Variants in CCSER1 observed in about 807,000 individuals in gnomAD.
CCSER1 encodes coiled-coil serine rich protein 1.
Under a neutral mutation model 82.0 loss-of-function variants are expected in CCSER1, and 41 were observed. The observed-to-expected ratio is 0.50, with a 90% CI of 0.39 to 0.65. CCSER1 has a LOEUF of 0.65. Among genes scored for constraint, CCSER1 ranks in the 30% least tolerant of loss-of-function variants. The pLI is 0.00. For synonymous variants in CCSER1, 414 were observed against 383.9 expected (o/e 1.08, Z -0.92); for missense variants, 1,119 against 1,064.2 (o/e 1.05, Z -0.72).
At chr4:90,745,267 G>T (rs1332452779) in intron 7 of CCSER1, among the ~76,000 whole-genome samples, 4 of 152,124 alleles carry the variant, frequency 2.6e-5, no homozygotes, top group East Asian at 1.9e-4. Flanking sequence ...CCTATCTCAA[G>T]TCTTCCTCAT....
At chr4:90,385,010 T>G (rs1455605291) in intron 3 of CCSER1, among the ~76,000 whole-genome samples, 4 of 152,174 alleles carry the variant, frequency 2.6e-5, no homozygotes, top group Admixed American at 1.3e-4. Context: ...CTGAGTTACT[T>G]CACAAGATAG....
At chr4:91,178,091 G>A (rs1733595832) in intron 10 of CCSER1, among the ~76,000 whole-genome samples, 1 of 152,176 alleles carries the variant, frequency 6.6e-6, no homozygotes, top group South Asian at 2.1e-4. Context: ...TCAGGAGCAG[G>A]TTGTTCAGTT....
intron 8 of CCSER1, among the ~76,000 whole-genome samples, chr4:90,843,007 G>A (rs1284081352): frequency 1.3e-5 from 2 of 152,164 alleles, no homozygotes; most frequent in Non-Finnish European, 2.9e-5. Flanking sequence ...TCTAGACTTA[G>A]TTTGAAGGGG....
chr4:90,332,446 G>C (rs1268847253), intron 3 of CCSER1, among the ~76,000 whole-genome samples: 1 of 152,000 alleles, frequency 6.6e-6, no homozygotes, highest in Non-Finnish European at 1.5e-5. Context: ...ATGTTGGTCA[G>C]GCTGGTCTCA....
intron 9 of CCSER1, among the ~76,000 whole-genome samples, chr4:90,990,549 A>G (rs1581272426): frequency 6.6e-6 from 1 of 151,882 alleles, no homozygotes; most frequent in South Asian, 2.1e-4. Flanking sequence ...CTTGCAGTGA[A>G]TATTTGTCAG....
chr4:90,872,613 C>A (rs1348442983), intron 8 of CCSER1, among the ~76,000 whole-genome samples: 1 of 151,836 alleles, frequency 6.6e-6, no homozygotes, highest in Non-Finnish European at 1.5e-5. Flanking sequence ...ATTGGTTCAT[C>A]TTTTAGTCTT....
chr4:90,654,512 T>C (rs970195519), intron 6 of CCSER1, among the ~76,000 whole-genome samples: 1 of 152,126 alleles, frequency 6.6e-6, no homozygotes, highest in African/African-American at 2.4e-5. Flanking sequence ...TAACCCATTT[T>C]CCATTCTAAA....
intron 10 of CCSER1, among the ~76,000 whole-genome samples, chr4:91,389,104 T>G (rs2149347480): frequency 6.6e-6 from 1 of 152,200 alleles, no homozygotes; most frequent in South Asian, 2.1e-4. Context: ...GTCTGATGTA[T>G]GAATTGGTGT....
chr4:90,513,507 T>C (rs2153619288), intron 5 of CCSER1, among the ~76,000 whole-genome samples: 1 of 152,342 alleles, frequency 6.6e-6, no homozygotes, highest in East Asian at 1.9e-4. Flanking sequence ...ACTGATTTCA[T>C]AGTATTTTGT....
intron 10 of CCSER1, among the ~76,000 whole-genome samples, chr4:91,173,519 G>A (rs559251207): frequency 1.3e-4 from 20 of 150,534 alleles, no homozygotes; most frequent in Non-Finnish European, 2.4e-4. Context: ...GCTTGAACCC[G>A]GGAGGTGGAG....
intron 8 of CCSER1, among the ~76,000 whole-genome samples, chr4:90,912,831 C>A (rs555331560): frequency 2.0e-5 from 3 of 152,114 alleles, no homozygotes; most frequent in African/African-American, 7.2e-5. Context: ...ACGAGAACTA[C>A]GTGACGAATG....
At chr4:90,667,112 T>G (rs768609830) in intron 6 of CCSER1, among the ~76,000 whole-genome samples, 4 of 152,138 alleles carry the variant, frequency 2.6e-5, no homozygotes, top group Admixed American at 6.5e-5. Flanking sequence ...GCATGTAAGG[T>G]CCAAGTCAGC....
Position 91,602,062 on chromosome 4 carries a change from A to G in CCSER1, c.*3005A>G, listed in dbSNP as rs532996447. The G allele has an allele frequency of 1.3e-5, 2 of 152,222 alleles. No homozygotes were observed. Among genetic ancestry groups the G allele is most frequent in the South Asian group, 4.1e-4 (2 of 4,830 alleles). The allele number at this position is 152,222 out of a possible 1,614,324, so 9.4% of individuals were successfully genotyped here. On this transcript the variant is annotated 3_prime_UTR_variant, in exon 11 of 11. Coordinates refer to ENST00000509176, the MANE Select transcript of CCSER1 (RefSeq NM_001145065.2). ...AACATGAAACTGTTGCTGCAATGCT[A>G]AAGATGTGAATCCACCACTATCAAT...
chr4:91,263,176 T>G (rs1383977434), intron 10 of CCSER1, among the ~76,000 whole-genome samples: 1 of 152,022 alleles, frequency 6.6e-6, no homozygotes, highest in Non-Finnish European at 1.5e-5. Flanking sequence ...GCAATCAAAA[T>G]AGCTATGCCT....
At chr4:90,976,122 G>A (rs17017835) in intron 9 of CCSER1, among the ~76,000 whole-genome samples, 8,890 of 151,194 alleles carry the variant, frequency 0.059, 808 homozygotes, top group African/African-American at 0.19. Context: ...AGCATAATTA[G>A]TATAGAAAAG....
At chr4:90,394,903 G>A (rs1446737119) in intron 3 of CCSER1, among the ~76,000 whole-genome samples, 1 of 152,080 alleles carries the variant, frequency 6.6e-6, no homozygotes, top group African/African-American at 2.4e-5. Flanking sequence ...AAATAACATA[G>A]CCATCACCTC....
At chr4:90,794,895 G>T (rs1561148004) in intron 7 of CCSER1, among the ~76,000 whole-genome samples, 1 of 152,036 alleles carries the variant, frequency 6.6e-6, no homozygotes, top group Non-Finnish European at 1.5e-5. Flanking sequence ...TCCCTTGTTA[G>T]CTGTATTTCT....
intron 10 of CCSER1, among the ~76,000 whole-genome samples, chr4:91,363,086 A>T (rs1749356041): frequency 6.6e-6 from 1 of 151,250 alleles, no homozygotes; most frequent in Admixed American, 6.6e-5. Flanking sequence ...TCCACAAGAA[A>T]CTCTCTTACA....
chr4:90,746,329 A>C (rs1747464552), intron 7 of CCSER1, among the ~76,000 whole-genome samples: 1 of 152,150 alleles, frequency 6.6e-6, no homozygotes. Context: ...AAAAAAATTC[A>C]CTTAAGACCT....
Sources: gnomAD v4.1 joint callset for allele counts (sites outside exome capture counted in the v4.1 genomes callset) on GRCh38, gnomAD v4.1.1 for gene constraint, MANE v1.5 for transcripts, NCBI Gene and HGNC (gene_info 2026-07-23, HGNC 2026-07-21) for gene names.